The following TMTC3 variants were observed in gnomAD, a reference collection of about 807,000 sequenced individuals.
TMTC3 encodes transmembrane O-mannosyltransferase targeting cadherins 3.
In TMTC3, 52 loss-of-function variants were observed where a neutral mutation model predicts 92.2. That is an observed-to-expected ratio of 0.56 (90% CI 0.45 to 0.71). The LOEUF (loss-of-function observed/expected upper bound fraction) is 0.71, where lower values mean the gene tolerates loss of function less well. Among genes scored for constraint, TMTC3 ranks in the 30% least tolerant of loss-of-function variants. The pLI is 0.00. For missense variants in TMTC3, 896 were observed against 1,057.1 expected, an observed-to-expected ratio of 0.85 and a Z score of 2.11; for synonymous variants, 339 against 363.3, an observed-to-expected ratio of 0.93 and a Z score of 0.76.
chr12:88,149,390 A>G (rs1217339568), intron 2 of TMTC3, among the ~76,000 whole-genome samples: 1 of 152,192 alleles, frequency 6.6e-6, no homozygotes, highest in Non-Finnish European at 1.5e-5. Context: ...TCAGATGGAA[A>G]GTAATTTTCC....
chr12:88,190,602 C>T lies in TMTC3; in HGVS notation c.1686C>T (p.Phe562=). 1 of 1,613,612 alleles carries T rather than the reference C, an allele frequency of 6.2e-7. No homozygotes were observed. Among genetic ancestry groups the T allele is most frequent in the Non-Finnish European group, 8.5e-7 (1 of 1,179,700 alleles). The part of the protein sequence containing the change: ...YRQAISMRPD[F]KQAYISRGEL... ...AAGCAATAAGCATGAGGCCCGACTT[C>T]AAGCAGGCTTACATTAGCAGGTATC... is the stretch of plus-strand genomic sequence containing the variant. Residue 562 remains phenylalanine, a synonymous_variant, in exon 12 of 14, where the codon TTC becomes TTT. Coordinates refer to ENST00000266712, the MANE Select transcript of TMTC3 (RefSeq NM_181783.4).
At chr12:88,159,487 C>T (rs142979520) in intron 4 of TMTC3, among the ~76,000 whole-genome samples, 478 of 151,982 alleles carry the variant, frequency 3.1e-3, no homozygotes, top group Non-Finnish European at 5.1e-3. Context: ...ATAGCAACAC[C>T]CTGTCTCTAC....
chr12:88,166,621 T>A (rs1398139766), intron 7 of TMTC3, 39 bp downstream of exon 7: 1 of 1,572,126 alleles, frequency 6.4e-7, no homozygotes, highest in Non-Finnish European at 8.6e-7. Context: ...ATGTTAACAT[T>A]CAGTTGAATA....
chr12:88,157,967 T>G (rs1046540516), intron 4 of TMTC3, among the ~76,000 whole-genome samples: 1 of 152,140 alleles, frequency 6.6e-6, no homozygotes, highest in Non-Finnish European at 1.5e-5. Flanking sequence ...TGTTCTTCCT[T>G]GAAGTAGAAA....
At chr12:88,183,070 G>A (rs1431509891) in intron 10 of TMTC3, among the ~76,000 whole-genome samples, 4 of 152,140 alleles carry the variant, frequency 2.6e-5, no homozygotes, top group Admixed American at 2.0e-4. Context: ...GAAAATGGGC[G>A]AATTCCAAGG....
intron 6 of TMTC3, among the ~76,000 whole-genome samples, chr12:88,164,531 T>A (rs912815303): frequency 6.6e-6 from 1 of 152,232 alleles, no homozygotes; most frequent in Non-Finnish European, 1.5e-5. Context: ...ATACCTCTTA[T>A]ACAGTTTTTT....
intron 1 of TMTC3, among the ~76,000 whole-genome samples, chr12:88,145,695 A>G (rs928719046): frequency 2.6e-5 from 4 of 152,184 alleles, no homozygotes; most frequent in African/African-American, 9.7e-5. Context: ...AGAGGGAAAT[A>G]GATATTATGT....
intron 10 of TMTC3, among the ~76,000 whole-genome samples, chr12:88,177,099 G>T (rs575518228): frequency 3.9e-5 from 6 of 152,198 alleles, no homozygotes; most frequent in Admixed American, 3.9e-4. Context: ...GCCAAGGTGG[G>T]CAGATCACTT....
At chr12:88,180,668 A>G (rs969928190) in intron 10 of TMTC3, among the ~76,000 whole-genome samples, 4 of 152,048 alleles carry the variant, frequency 2.6e-5, no homozygotes, top group African/African-American at 9.7e-5. Flanking sequence ...CAGGTGCTGC[A>G]GGGTCGTTTC....
intron 2 of TMTC3, among the ~76,000 whole-genome samples, chr12:88,151,768 G>A (rs529536962): frequency 6.6e-6 from 1 of 152,236 alleles, no homozygotes; most frequent in Non-Finnish European, 1.5e-5. Flanking sequence ...TACTCGAAGG[G>A]TTTCTAGAGT....
At chr12:88,191,691 CT>C (rs759763574) in intron 12 of TMTC3, among the ~76,000 whole-genome samples, 1 of 151,140 alleles carries the variant, frequency 6.6e-6, no homozygotes, top group Non-Finnish European at 1.5e-5. Flanking sequence ...ACCTGTTCAG[CT>C]TTTTTTTAGT....
intron 11 of TMTC3, among the ~76,000 whole-genome samples, chr12:88,190,010 A>G (rs993349126): frequency 5.3e-5 from 8 of 152,092 alleles, no homozygotes; most frequent in Non-Finnish European, 1.2e-4. Context: ...CAATTGAGAA[A>G]ACTTCAGCCC....
chr12:88,154,666 T>C (rs1341997391), intron 4 of TMTC3, among the ~76,000 whole-genome samples: 1 of 152,208 alleles, frequency 6.6e-6, no homozygotes, highest in Non-Finnish European at 1.5e-5. Flanking sequence ...TTAGAGTTAG[T>C]CCTAGTTCCA....
chr12:88,161,995 T>C (rs1291481205), intron 6 of TMTC3, among the ~76,000 whole-genome samples: 1 of 152,052 alleles, frequency 6.6e-6, no homozygotes, highest in East Asian at 1.9e-4. Context: ...TCCAGTGTTC[T>C]TTATTCCTTT....
Position 88,148,521 on chromosome 12 carries a change from A to G in TMTC3, c.189+17A>G. On this transcript the variant is annotated intron_variant, in intron 2 of 13. Transcript: ENST00000266712. ...ATGTCTGAGGTAAGTAATTACTTAC[A>G]TATTACTTGTACATGTCTCAGATTT... The G allele has an allele frequency of 2.6e-6, 4 of 1,523,976 alleles. No individual in the cohort carries two copies. Among genetic ancestry groups the G allele is most frequent in the East Asian group, 4.5e-5 (2 of 43,978 alleles). The allele number at this position is 1,523,976 out of a possible 1,614,324, so 94.4% of individuals were successfully genotyped here. A position where few individuals can be genotyped will look rare whatever the true frequency, so the allele number is the denominator to read the frequency against.
At chr12:88,160,992 A>G (rs1236035120) in intron 6 of TMTC3, 141 bp downstream of exon 6, 4 of 807,264 alleles carry the variant, frequency 5.0e-6, no homozygotes, top group South Asian at 2.0e-5. Context: ...AACTGCATAT[A>G]TTTAAAATTT....
At chr12:88,190,898 C>T (rs1219333910) in intron 12 of TMTC3, among the ~76,000 whole-genome samples, 2 of 152,106 alleles carry the variant, frequency 1.3e-5, no homozygotes, top group Non-Finnish European at 2.9e-5. Context: ...TTCTTCCCAT[C>T]ACCAAAATTG....
chr12:88,143,736 G>C (rs567597740), intron 1 of TMTC3, among the ~76,000 whole-genome samples: 3 of 152,160 alleles, frequency 2.0e-5, no homozygotes, highest in African/African-American at 7.2e-5. Context: ...TTCTGGAAAG[G>C]TGTTCTGATC....
rs920319063 is a variant in TMTC3, at chr12:88,192,631, A to G, written c.1734A>G (p.Lys578=). The change falls in exon 13 of 14, where the codon AAA becomes AAG. Residue 578 remains lysine (K), a synonymous_variant. Coordinates refer to ENST00000266712, the MANE Select transcript of TMTC3 (RefSeq NM_181783.4). The part of the protein sequence containing the change: ...SRGELLLKMN[K]PLKAKEAYLK... ...GAGAATTGCTTTTAAAAATGAATAA[A>G]CCTCTTAAAGCAAAGGAAGCATATC... The G allele has an allele frequency of 3.7e-6, 6 of 1,608,156 alleles. No individual in the cohort carries two copies. Among genetic ancestry groups the G allele is most frequent in the Non-Finnish European group, 5.1e-6 (6 of 1,175,450 alleles).
Sources: allele counts gnomAD v4.1 joint callset (sites outside exome capture counted in the v4.1 genomes callset), GRCh38; gene constraint gnomAD v4.1.1; transcripts MANE v1.5; gene names NCBI Gene and HGNC (gene_info 2026-07-23, HGNC 2026-07-21).